The following APOL3 variants were observed in gnomAD, a reference collection of about 807,000 sequenced individuals.
The protein encoded by APOL3 is TNF-inducible protein CG12-1.
In APOL3, 14 loss-of-function variants were observed where a neutral mutation model predicts 11.6. That is an observed-to-expected ratio of 1.21 (90% CI 0.80 to 1.89). APOL3 has a LOEUF of 1.89. Among genes scored for constraint, APOL3 ranks in the 40% most tolerant of loss-of-function variants. The pLI is 0.00. For missense variants in APOL3, 483 were observed against 492.1 expected (o/e 0.98, Z 0.17); for synonymous variants, 192 against 190.6 (o/e 1.01, Z -0.06).
At chr22:36,160,944 C>T (rs2013660362), upstream of APOL3, 1 of 1,550,128 alleles carries the variant, frequency 6.5e-7, no homozygotes, top group Admixed American at 1.8e-5. Flanking sequence ...CAAGAGCAGC[C>T]CCAGACGTCC....
chr22:36,142,259 T>C (rs1036028724), intron 2 of APOL3, among the ~76,000 whole-genome samples: 1 of 152,230 alleles, frequency 6.6e-6, no homozygotes, highest in African/African-American at 2.4e-5. Flanking sequence ...GCCACAGTAC[T>C]TATTCTGTAT....
At chr22:36,152,217 A>T (rs1203143484) in intron 1 of APOL3, among the ~76,000 whole-genome samples, 5 of 152,180 alleles carry the variant, frequency 3.3e-5, no homozygotes, top group African/African-American at 4.8e-5. Flanking sequence ...TTTGAGAAAA[A>T]CTGAGGAAAT....
intron 1 of APOL3, among the ~76,000 whole-genome samples, chr22:36,153,582 G>C (rs2012193624): frequency 6.6e-6 from 1 of 152,216 alleles, no homozygotes; most frequent in African/African-American, 2.4e-5. Context: ...AAGACGTCTT[G>C]TGGGGAACCA....
intron 1 of APOL3, among the ~76,000 whole-genome samples, chr22:36,152,973 T>C (rs1412194088): frequency 6.6e-6 from 1 of 152,120 alleles, no homozygotes; most frequent in Admixed American, 6.5e-5. Flanking sequence ...TAGCCGGGCA[T>C]GGTGGTGCAT....
In APOL3 at chr22:36,145,464, G is replaced by A. The variant is rs757512505; in HGVS notation, c.350+9C>T. 2.0e-5 allele frequency: 33 copies of A among 1,613,722 alleles called. No individual in the cohort carries two copies. The highest frequency in any genetic ancestry group is 1.1e-4 in the African/African-American group (8 of 74,914). ...GGGCGCCCCATGGAGGTAACCCCAC[G>A]GAGGTTACCTGGGCAATTCAGCCGC... On this transcript the variant is annotated intron_variant, in intron 2 of 2. Coordinates refer to ENST00000349314, the Ensembl canonical transcript of APOL3.
chr22:36,141,021 G>A, exon 3 of APOL3: 2 of 831,544 alleles, frequency 2.4e-6, no homozygotes, highest in Non-Finnish European at 1.9e-6. Flanking sequence ...CTTCTCCTTG[G>A]TGCACTTGCC....
At chr22:36,143,475 G>A (rs132621) in intron 2 of APOL3, among the ~76,000 whole-genome samples, 75,941 of 152,154 alleles carry the variant, frequency 0.5, 21,471 homozygotes, top group South Asian at 0.72. Context: ...GGTGTCAGAA[G>A]GAAGGGTGCC....
chr22:36,165,621 TTCCC>T (rs1199733293), upstream of APOL3: 2 of 152,200 alleles, frequency 1.3e-5, no homozygotes, highest in African/African-American at 4.8e-5. Context: ...GTTTTGTTTC[TTCCC>T]ACCTAGAATC....
At chr22:36,162,327 C>A (rs778594938), upstream of APOL3, among the ~76,000 whole-genome samples, 1 of 152,166 alleles carries the variant, frequency 6.6e-6, no homozygotes, top group Non-Finnish European at 1.5e-5. Flanking sequence ...TGGAAATTCC[C>A]TAAAGGGGCA....
exon 2 of APOL3, chr22:36,145,541 C>T (rs1052849472): frequency 1.9e-6 from 3 of 1,614,184 alleles, no homozygotes; most frequent in South Asian, 1.1e-5. Flanking sequence ...TTTGCAGATG[C>T]ACTGGGCTGA....
chr22:36,160,643 G>A, intron 1 of APOL3, 26 bp downstream of exon 1: 1 of 1,610,978 alleles, frequency 6.2e-7, no homozygotes, highest in Non-Finnish European at 8.5e-7. Flanking sequence ...GGGGAGATGG[G>A]GAAGGTCAGA....
At chr22:36,155,552 C>T (rs1569529716) in intron 1 of APOL3, among the ~76,000 whole-genome samples, 2 of 152,072 alleles carry the variant, frequency 1.3e-5, no homozygotes, top group Non-Finnish European at 2.9e-5. Context: ...GTGCTTCTTG[C>T]TGTAAGGGAT....
At chr22:36,151,409 G>A (rs561165425) in intron 1 of APOL3, among the ~76,000 whole-genome samples, 2 of 152,102 alleles carry the variant, frequency 1.3e-5, no homozygotes, top group African/African-American at 4.8e-5. Flanking sequence ...TGTCCTCAGG[G>A]ACATAAAAAT....
At chr22:36,160,950 C>A, upstream of APOL3, 1 of 1,539,716 alleles carries the variant, frequency 6.5e-7, no homozygotes, top group East Asian at 2.3e-5. Flanking sequence ...CAGCCCCAGA[C>A]GTCCTTCTTG....
At position 36,149,437 on chromosome 22, in the gene APOL3, A is replaced by G. The variant is rs1603474997; in HGVS notation, c.224-3838T>C. 3.9e-6 allele frequency: 5 copies of G among 1,271,332 alleles called. No individual in the cohort carries two copies. In the East Asian group the frequency reaches 2.8e-4, roughly 71 times the overall value. 78.8% of individuals were successfully genotyped at this position (1,271,332 alleles called of 1,614,324 possible). ...GACATCTGATAATCACAGAAACTAC[A>G]GAGTCTATACACCGAAATAGAGATG... On this transcript the variant is annotated intron_variant, in intron 1 of 2. Coordinates refer to ENST00000349314, the Ensembl canonical transcript of APOL3.
At chr22:36,153,268 A>G in intron 1 of APOL3, 1 of 376,640 alleles carries the variant, frequency 2.7e-6, no homozygotes, top group South Asian at 1.9e-5. Flanking sequence ...ACTTTATAGT[A>G]GTTAGTAACT....
At chr22:36,156,803 G>A in intron 1 of APOL3, 2 of 362,024 alleles carry the variant, frequency 5.5e-6, no homozygotes, top group South Asian at 2.0e-5. Flanking sequence ...GCATCCGGCA[G>A]GGACCCTGCG....
chr22:36,149,768 T>C, intron 1 of APOL3: 1 of 451,744 alleles, frequency 2.2e-6, no homozygotes, highest in South Asian at 1.6e-5. Flanking sequence ...GACTCATGCA[T>C]ACATGCTTAT....
chr22:36,142,415 G>A (rs1238645261), intron 2 of APOL3, among the ~76,000 whole-genome samples: 2 of 152,112 alleles, frequency 1.3e-5, no homozygotes, highest in Non-Finnish European at 2.9e-5. Context: ...AGAGAAGTGG[G>A]TTCGGAGCAA....
Sources: allele counts gnomAD v4.1 joint callset (sites outside exome capture counted in the v4.1 genomes callset), GRCh38; gene constraint gnomAD v4.1.1; transcripts MANE v1.5; gene names NCBI Gene and HGNC (gene_info 2026-07-23, HGNC 2026-07-21).